Variants in SHROOM3 observed in about 807,000 individuals in gnomAD.
SHROOM3 encodes protein Shroom3.
SHROOM3 carries 47 observed loss-of-function variants against 138.6 expected under a neutral mutation model. The observed-to-expected ratio is 0.34, with a 90% confidence interval of 0.27 to 0.43. The LOEUF (loss-of-function observed/expected upper bound fraction) is 0.43, where lower values mean the gene tolerates loss of function less well. Among genes scored for constraint, SHROOM3 ranks in the 20% least tolerant of loss-of-function variants. The pLI is 1.00. For missense variants in SHROOM3, 2,491 were observed against 2,596.5 expected (o/e 0.96, Z 0.88); for synonymous variants, 1,062 against 1,063.3 (o/e 1.00, Z 0.02).
chr4:76,584,916 C>T (rs997965533), intron 2 of SHROOM3, among the ~76,000 whole-genome samples: 3 of 152,136 alleles, frequency 2.0e-5, no homozygotes, highest in African/African-American at 4.8e-5. Flanking sequence ...GGCTTCTCTT[C>T]TTTTGAAAGA....
chr4:76,485,889 G>A (rs1579187105), intron 1 of SHROOM3, among the ~76,000 whole-genome samples: 4 of 152,220 alleles, frequency 2.6e-5, no homozygotes. Flanking sequence ...CTAGTTTTGG[G>A]AATTTGTCCT....
intron 2 of SHROOM3, among the ~76,000 whole-genome samples, chr4:76,650,639 G>A (rs1319783456): frequency 6.6e-6 from 1 of 151,958 alleles, no homozygotes; most frequent in Admixed American, 6.6e-5. Context: ...CTGCTGCCCG[G>A]GTTCAAGCGA....
At chr4:76,576,486 G>A (rs1167543861) in intron 2 of SHROOM3, among the ~76,000 whole-genome samples, 1 of 152,140 alleles carries the variant, frequency 6.6e-6, no homozygotes, top group African/African-American at 2.4e-5. Context: ...GTAGAAGGAT[G>A]GTTACAGAGG....
At chr4:76,748,884 A>T in intron 5 of SHROOM3, 133 bp from the exon 6 acceptor site, 1 of 678,162 alleles carries the variant, frequency 1.5e-6, no homozygotes, top group Non-Finnish European at 2.8e-6. Flanking sequence ...ATTATGTAAG[A>T]GTGCCACCAC....
chr4:76,572,955 G>A (rs1439859506), intron 2 of SHROOM3, among the ~76,000 whole-genome samples: 7 of 151,946 alleles, frequency 4.6e-5, no homozygotes, highest in East Asian at 3.9e-4. Context: ...GGTAGCACAC[G>A]CCTGTAGTCC....
intron 2 of SHROOM3, among the ~76,000 whole-genome samples, chr4:76,634,914 A>G (rs1404291035): frequency 6.6e-6 from 1 of 152,142 alleles, no homozygotes; most frequent in African/African-American, 2.4e-5. Context: ...TTTTGTGACA[A>G]TTCCACACCC....
At chr4:76,602,937 A>G (rs1462688057) in intron 2 of SHROOM3, among the ~76,000 whole-genome samples, 2 of 152,240 alleles carry the variant, frequency 1.3e-5, no homozygotes, top group Non-Finnish European at 2.9e-5. Flanking sequence ...GCATGTAACT[A>G]GCACATAGTA....
At chr4:76,659,380 A>T (rs959964549) in intron 2 of SHROOM3, among the ~76,000 whole-genome samples, 2 of 152,232 alleles carry the variant, frequency 1.3e-5, no homozygotes, top group African/African-American at 2.4e-5. Flanking sequence ...CCATCTAGCC[A>T]TCTGGGCTCC....
At chr4:76,546,169 T>C (rs879413607) in intron 1 of SHROOM3, among the ~76,000 whole-genome samples, 12 of 152,216 alleles carry the variant, frequency 7.9e-5, no homozygotes, top group Non-Finnish European at 2.9e-5. Flanking sequence ...ATTATCTATA[T>C]TTTATAGATG....
chr4:76,528,414 C>T (rs1347980278), intron 1 of SHROOM3, among the ~76,000 whole-genome samples: 1 of 148,576 alleles, frequency 6.7e-6, no homozygotes, highest in Non-Finnish European at 1.5e-5. Context: ...AACTCTTGGG[C>T]TCAAGCAAAT....
intron 2 of SHROOM3, among the ~76,000 whole-genome samples, chr4:76,566,150 G>GGTTC (rs1368244625): frequency 1.3e-5 from 2 of 151,340 alleles, no homozygotes; most frequent in Non-Finnish European, 2.9e-5. Context: ...AACAATGGAT[G>GGTTC]GTTCATCTGT....
At chr4:76,723,089 T>C (rs920923402) in intron 3 of SHROOM3, among the ~76,000 whole-genome samples, 1 of 151,722 alleles carries the variant, frequency 6.6e-6, no homozygotes, top group African/African-American at 2.4e-5. Flanking sequence ...AAAAAATTAG[T>C]TCTTAGAATT....
intron 9 of SHROOM3, among the ~76,000 whole-genome samples, chr4:76,760,784 T>C (rs1199599512): frequency 1.3e-5 from 2 of 152,220 alleles, no homozygotes; most frequent in African/African-American, 2.4e-5. Flanking sequence ...CCAGCACTGC[T>C]GAGCACTTCA....
chr4:76,660,208 A>C (rs1241478293), intron 2 of SHROOM3, among the ~76,000 whole-genome samples: 1 of 152,134 alleles, frequency 6.6e-6, no homozygotes, highest in African/African-American at 2.4e-5. Flanking sequence ...AGCAATTTGC[A>C]CTTGGGCATA....
chr4:76,561,942 C>T (rs1055929872), intron 2 of SHROOM3, among the ~76,000 whole-genome samples: 8 of 151,906 alleles, frequency 5.3e-5, no homozygotes, highest in East Asian at 3.9e-4. Flanking sequence ...ACCTGGGAGG[C>T]GGAGGTTACG....
At chr4:76,752,616 G>A (rs1000180479) in intron 6 of SHROOM3, among the ~76,000 whole-genome samples, 7 of 152,114 alleles carry the variant, frequency 4.6e-5, no homozygotes, top group African/African-American at 1.7e-4. Context: ...CTTGAACAAA[G>A]TCTTTTTTTA....
At position 76,775,320 on chromosome 4, in the gene SHROOM3, G is replaced by A. The variant is rs554662712; in HGVS notation, c.5623-3489G>A. Among the ~76,000 whole-genome samples the A allele has an allele frequency of 2.1e-5, 3 of 146,184 alleles. No homozygotes were observed. The East Asian group carries it at 6.0e-4, about 29-fold the overall frequency. On this transcript the variant is annotated intron_variant, in intron 10 of 10. Coordinates refer to ENST00000296043, the MANE Select transcript of SHROOM3 (RefSeq NM_020859.4). Reference sequence around the variant, plus strand: ...TTTTATGGCTGAGTAGTAGTCCATGGGGTGTGTGTGTGTGTGTGTGTGTAA... The same window carrying A: ...TTTTATGGCTGAGTAGTAGTCCATGAGGTGTGTGTGTGTGTGTGTGTGTAA...
chr4:76,756,746 G>A lies in SHROOM3; in HGVS notation c.5007G>A (p.Glu1669=). The A allele has an allele frequency of 6.2e-7, 1 of 1,614,110 alleles. No homozygotes were observed. ...PQKSSEDIRT[E]ALAKEIVHQD... ...AGAGTTCAGAAGACATCAGAACAGA[G>A]GCTTTGGCCAAGGAAATTGTCCACC... The change falls in exon 8 of 11, where the codon GAG becomes GAA. Residue 1669 remains glutamate, a synonymous_variant. Coordinates refer to ENST00000296043, the MANE Select transcript of SHROOM3 (RefSeq NM_020859.4).
At chr4:76,464,726 T>C (rs908181210) in intron 1 of SHROOM3, among the ~76,000 whole-genome samples, 3 of 152,178 alleles carry the variant, frequency 2.0e-5, no homozygotes, top group African/African-American at 7.2e-5. Context: ...AGTGAGTGAA[T>C]TCTCATGAGA....
Sources: gnomAD v4.1 joint callset for allele counts (sites outside exome capture counted in the v4.1 genomes callset) on GRCh38, gnomAD v4.1.1 for gene constraint, MANE v1.5 for transcripts, NCBI Gene and HGNC (gene_info 2026-07-23, HGNC 2026-07-21) for gene names.